LEPR: variants seen among roughly 807,000 people sequenced by gnomAD.
The protein encoded by LEPR is leptin receptor.
A neutral mutation model predicts 114.7 loss-of-function variants in LEPR; 56 were observed. The observed-to-expected ratio is 0.49, with a 90% CI of 0.39 to 0.61. The LOEUF is 0.61. Among genes scored for constraint, LEPR ranks in the 20% least tolerant of loss-of-function variants. The probability of loss-of-function intolerance (pLI) is 0.00; values close to 1 mark genes in which losing one functional copy is unlikely to be tolerated. For synonymous variants in LEPR, 443 were observed against 461.4 expected, an observed-to-expected ratio of 0.96 and a Z score of 0.51; for missense variants, 1,202 against 1,352.9, an observed-to-expected ratio of 0.89 and a Z score of 1.75.
intron 18 of LEPR, 62 bp downstream of exon 18, chr1:65,621,520 T>C: frequency 1.5e-6 from 2 of 1,358,736 alleles, no homozygotes; most frequent in Non-Finnish European, 2.1e-6. Context: ...CAAACCCTGA[T>C]TTAAAACCTT....
intron 19 of LEPR, chr1:65,635,126 A>C: frequency 1.1e-6 from 1 of 938,178 alleles, no homozygotes; most frequent in African/African-American, 1.8e-5. Context: ...TGCCATTATG[A>C]AGAACAGCTG....
intron 5 of LEPR, among the ~76,000 whole-genome samples, chr1:65,582,535 A>C (rs1655058802): frequency 6.6e-6 from 1 of 152,164 alleles, no homozygotes; most frequent in South Asian, 2.1e-4. Context: ...TGAGCCAGAG[A>C]GACTCACTGA....
intron 11 of LEPR, 39 bp downstream of exon 11, chr1:65,605,276 G>T: frequency 6.2e-7 from 1 of 1,607,820 alleles, no homozygotes; most frequent in Non-Finnish European, 8.5e-7. Flanking sequence ...TGTGTTAGCA[G>T]ATTTGTATGC....
chr1:65,500,277 AC>A (rs547070726), intron 2 of LEPR, among the ~76,000 whole-genome samples: 1 of 151,422 alleles, frequency 6.6e-6, no homozygotes. Flanking sequence ...ACTAATACAG[AC>A]CCCCCCAACA....
At chr1:65,426,645 A>G (rs1481892462) in intron 2 of LEPR, among the ~76,000 whole-genome samples, 1 of 152,196 alleles carries the variant, frequency 6.6e-6, no homozygotes, top group Non-Finnish European at 1.5e-5. Flanking sequence ...TCAGGATTCA[A>G]CAAGGAGGGA....
intron 5 of LEPR, among the ~76,000 whole-genome samples, chr1:65,586,874 CATT>C (rs1203156402): frequency 1.3e-5 from 2 of 151,702 alleles, no homozygotes; most frequent in Non-Finnish European, 2.9e-5. Flanking sequence ...ACTATATAGT[CATT>C]ATTAAGGATA....
chr1:65,630,885 T>C (rs1266489660), intron 19 of LEPR, among the ~76,000 whole-genome samples: 1 of 152,212 alleles, frequency 6.6e-6, no homozygotes, highest in Non-Finnish European at 1.5e-5. Context: ...ATTTTTGTTC[T>C]TTTATTTTAA....
chr1:65,573,944 A>G (rs948503852), intron 5 of LEPR, among the ~76,000 whole-genome samples: 3 of 152,234 alleles, frequency 2.0e-5, no homozygotes, highest in African/African-American at 7.2e-5. Flanking sequence ...AAATTTAAAA[A>G]GAAACTTAAA....
chr1:65,587,143 G>A (rs1231420454), intron 5 of LEPR, among the ~76,000 whole-genome samples: 2 of 151,936 alleles, frequency 1.3e-5, no homozygotes, highest in African/African-American at 4.8e-5. Flanking sequence ...CATTTAAAAT[G>A]TTAGCAGAGA....
In LEPR at chr1:65,532,481, G is replaced by A. The variant is rs1453310434; in HGVS notation, c.-20-33065G>A. ...TATGACCCAGTAATTCTATTCCTAG[G>A]CATATACCTAAGATGGATGAAAATA... On this transcript the variant is annotated intron_variant, in intron 2 of 19. Transcript: ENST00000349533. Among the ~76,000 whole-genome samples the A allele has an allele frequency of 2.0e-5, 3 of 152,220 alleles. No individual in the cohort carries two copies. The East Asian group carries it at 5.8e-4, about 29-fold the overall frequency.
chr1:65,505,021 A>T (rs10889557), intron 2 of LEPR, among the ~76,000 whole-genome samples: 1,978 of 152,118 alleles, frequency 0.013, 43 homozygotes, highest in African/African-American at 0.046. Context: ...AGTGCTGTCA[A>T]CGTGCAGCAC....
intron 14 of LEPR, among the ~76,000 whole-genome samples, chr1:65,610,967 C>T (rs1175316987): frequency 2.6e-5 from 4 of 152,138 alleles, no homozygotes; most frequent in African/African-American, 9.7e-5. Flanking sequence ...AAAATGGTTT[C>T]CTGATGTAAG....
chr1:65,484,812 C>G (rs987287390), intron 2 of LEPR, among the ~76,000 whole-genome samples: 2 of 152,106 alleles, frequency 1.3e-5, no homozygotes, highest in Non-Finnish European at 2.9e-5. Flanking sequence ...CAGATGCATC[C>G]TTCAATATGG....
chr1:65,454,112 T>G (rs1646830100), intron 2 of LEPR, among the ~76,000 whole-genome samples: 1 of 151,444 alleles, frequency 6.6e-6, no homozygotes, highest in Non-Finnish European at 1.5e-5. Flanking sequence ...AACCCCTGCC[T>G]TTTTTTGTTT....
rs755626079 is a variant in LEPR, at chr1:65,636,820, G to A, written c.3303G>A (p.Ser1101=). 22 of 1,613,708 alleles carry A rather than the reference G, an allele frequency of 1.4e-5. No individual in the cohort carries two copies. Among genetic ancestry groups the A allele is most frequent in the African/African-American group, 6.7e-5 (5 of 74,910 alleles). ...TTTTGACTGACAAGTCAAGGGTATCGTGCCCATTCCCAGCCCCCTGTTTAT... is the reference window on the plus strand; with the variant it reads ...TTTTGACTGACAAGTCAAGGGTATCATGCCCATTCCCAGCCCCCTGTTTAT... The part of the protein sequence containing the change: ...GVLLTDKSRV[S]CPFPAPCLFT... Residue 1101 remains serine (S), a synonymous_variant, in exon 20 of 20, where the codon TCG becomes TCA. Transcript: ENST00000349533.
At chr1:65,541,193 A>G (rs1272325278) in intron 2 of LEPR, among the ~76,000 whole-genome samples, 1 of 152,222 alleles carries the variant, frequency 6.6e-6, no homozygotes, top group African/African-American at 2.4e-5. Flanking sequence ...AATTAATAAA[A>G]TGTTATTTCT....
chr1:65,583,168 G>C (rs765504456), intron 5 of LEPR, among the ~76,000 whole-genome samples: 11 of 152,168 alleles, frequency 7.2e-5, no homozygotes, highest in Admixed American at 7.2e-4. Context: ...CCCAGAACAT[G>C]GCACAGAGCT....
In LEPR at chr1:65,601,877, G is replaced by T. The variant is rs778323352; in HGVS notation, c.1320G>T (p.Gly440=). 6.2e-7 allele frequency: 1 copy of T among 1,613,448 alleles called. No individual in the cohort carries two copies. Among genetic ancestry groups the T allele is most frequent in the Non-Finnish European group, 8.5e-7 (1 of 1,179,652 alleles). ...TCAATATCTCATGTGAAACTGATGG[G>T]TACTTAACTAAAATGACTTGCAGAT... The part of the protein sequence containing the change: ...VNINISCETD[G]YLTKMTCRWS... The change falls in exon 10 of 20, where the codon GGG becomes GGT. Residue 440 remains glycine, a synonymous_variant. Coordinates refer to ENST00000349533, the MANE Select transcript of LEPR (RefSeq NM_002303.6).
chr1:65,490,240 C>T lies in LEPR; in HGVS notation c.-21+64862C>T, dbSNP rs186845786. ...TTGTTTTTATTACTGGGGGATGCTG[C>T]TGTCCACGTACCAAAAGAGAACTGT... On this transcript the variant is annotated intron_variant, in intron 2 of 19. Transcript: ENST00000349533. Among the ~76,000 whole-genome samples the T allele has an allele frequency of 2.0e-3, 309 of 152,176 alleles. 1 individual carries two copies. The highest frequency in any genetic ancestry group is 7.2e-3 in the African/African-American group (298 of 41,518).
Sources: allele counts gnomAD v4.1 joint callset (sites outside exome capture counted in the v4.1 genomes callset), GRCh38; gene constraint gnomAD v4.1.1; transcripts MANE v1.5; gene names NCBI Gene and HGNC (gene_info 2026-07-23, HGNC 2026-07-21).